The following PSD3 variants were observed in gnomAD, a reference collection of about 807,000 sequenced individuals.
PSD3 encodes PH and SEC7 domain-containing protein 3.
In PSD3, 49 loss-of-function variants were observed where a neutral mutation model predicts 105.5. The observed-to-expected ratio is 0.46, with a 90% CI of 0.37 to 0.59. The LOEUF (loss-of-function observed/expected upper bound fraction) is 0.59. PSD3 is among the 20% of genes least tolerant of loss of function. PSD3 has a pLI of 0.00. For missense variants in PSD3, 1,561 were observed against 1,263.8 expected (o/e 1.24, Z -3.57); for synonymous variants, 557 against 457.8 (o/e 1.22, Z -2.77).
intron 14 of PSD3, among the ~76,000 whole-genome samples, chr8:18,558,097 T>C (rs1008840702): frequency 6.6e-6 from 1 of 152,224 alleles, no homozygotes; most frequent in Non-Finnish European, 1.5e-5. Context: ...TGCTGGCACC[T>C]TGATCTTGGA....
intron 1 of PSD3, among the ~76,000 whole-genome samples, chr8:18,954,287 G>A (rs550620744): frequency 6.6e-6 from 1 of 151,976 alleles, no homozygotes; most frequent in Non-Finnish European, 1.5e-5. Flanking sequence ...TTTGGGGAGG[G>A]GTTCAATGCT....
intron 9 of PSD3, among the ~76,000 whole-genome samples, chr8:18,679,142 T>C (rs1800239074): frequency 6.6e-6 from 1 of 152,226 alleles, no homozygotes; most frequent in African/African-American, 2.4e-5. Context: ...AGCCTTAGTC[T>C]AAAGAGCAAA....
intron 12 of PSD3, among the ~76,000 whole-genome samples, chr8:18,582,587 G>A (rs1802887879): frequency 1.3e-5 from 2 of 151,998 alleles, no homozygotes; most frequent in Non-Finnish European, 2.9e-5. Context: ...GTTCAGATCT[G>A]CATTTCTGGC....
chr8:18,936,964 G>T (rs1456486171), intron 1 of PSD3, among the ~76,000 whole-genome samples: 1 of 152,098 alleles, frequency 6.6e-6, no homozygotes, highest in African/African-American at 2.4e-5. Context: ...GAACAGAACT[G>T]CCAGGCATCC....
chr8:18,890,882 G>C (rs1446610869), intron 2 of PSD3, among the ~76,000 whole-genome samples: 2 of 152,162 alleles, frequency 1.3e-5, no homozygotes, highest in Admixed American at 6.5e-5. Flanking sequence ...AACATTTTGA[G>C]ATTCCTGTCT....
chr8:18,712,026 C>G (rs563501992), intron 9 of PSD3, among the ~76,000 whole-genome samples: 24 of 152,178 alleles, frequency 1.6e-4, no homozygotes, highest in Admixed American at 4.6e-4. Context: ...CTGAATGACT[C>G]CTGAGTAAAT....
chr8:18,673,293 C>T (rs1250425539), intron 9 of PSD3, among the ~76,000 whole-genome samples: 4 of 152,086 alleles, frequency 2.6e-5, no homozygotes, highest in Non-Finnish European at 5.9e-5. Flanking sequence ...TTTGCAGTTT[C>T]ATGAATTTTC....
intron 1 of PSD3, among the ~76,000 whole-genome samples, chr8:18,976,871 C>A (rs1299481466): frequency 6.6e-6 from 1 of 152,082 alleles, no homozygotes; most frequent in Non-Finnish European, 1.5e-5. Context: ...GTTAAGGGGA[C>A]AGTTAAACCA....
Position 19,029,296 on chromosome 8 carries a change from T to C in PSD3, c.324+54910A>G, listed in dbSNP as rs190810017. ...TGTCTTCTAAAACATGAACACTCTA[T>C]ATCCATTTATTTATATTTCCTTTGA... is the stretch of plus-strand genomic sequence containing the variant. On this transcript the variant is annotated intron_variant, in intron 1 of 1. Transcript: ENST00000521475. Among the ~76,000 whole-genome samples the C allele has an allele frequency of 1.1e-4, 17 of 152,320 alleles. No individual in the cohort carries two copies. In the East Asian group the frequency reaches 2.9e-3, roughly 26 times the overall value.
chr8:18,579,989 G>C (rs2130397221), intron 12 of PSD3, among the ~76,000 whole-genome samples: 1 of 152,282 alleles, frequency 6.6e-6, no homozygotes, highest in Non-Finnish European at 1.5e-5. Flanking sequence ...AAAAATGTTA[G>C]TAATTAAAGC....
intron 2 of PSD3, among the ~76,000 whole-genome samples, chr8:18,911,158 G>T (rs143810916): frequency 3.7e-4 from 57 of 152,270 alleles, no homozygotes; most frequent in Middle Eastern, 6.8e-3. Flanking sequence ...TTTCGGTAGA[G>T]TGGGGGTGGG....
intron 1 of PSD3, among the ~76,000 whole-genome samples, chr8:19,077,143 C>G (rs185513985): frequency 7.0e-4 from 107 of 152,150 alleles, no homozygotes; most frequent in African/African-American, 2.4e-3. Flanking sequence ...TATCTCTGAC[C>G]TGAGATAAAT....
chr8:18,640,846 C>T (rs928169313), intron 10 of PSD3, among the ~76,000 whole-genome samples: 1 of 152,150 alleles, frequency 6.6e-6, no homozygotes, highest in Non-Finnish European at 1.5e-5. Context: ...GACACTTGCC[C>T]CCACTACTTC....
At chr8:19,071,663 T>C (rs1029722294) in intron 1 of PSD3, among the ~76,000 whole-genome samples, 2 of 152,172 alleles carry the variant, frequency 1.3e-5, no homozygotes, top group East Asian at 1.9e-4. Context: ...GAGATGACTT[T>C]TATAGAGTTA....
At chr8:18,824,941 T>A (rs1454029741) in intron 4 of PSD3, among the ~76,000 whole-genome samples, 2 of 152,102 alleles carry the variant, frequency 1.3e-5, no homozygotes, top group Admixed American at 6.5e-5. Context: ...AAAACAGTAT[T>A]CTATAAAACC....
intron 1 of PSD3, among the ~76,000 whole-genome samples, chr8:19,024,135 A>T (rs1489700876): frequency 6.6e-6 from 1 of 152,254 alleles, no homozygotes; most frequent in African/African-American, 2.4e-5. Flanking sequence ...CACTTTTTCC[A>T]AATTATTCCA....
At chr8:18,582,139 AAT>A (rs1314414450) in intron 12 of PSD3, among the ~76,000 whole-genome samples, 1 of 152,104 alleles carries the variant, frequency 6.6e-6, no homozygotes, top group Admixed American at 6.6e-5. Flanking sequence ...CAGGAAGGGG[AAT>A]ATGAGAAAAA....
intron 9 of PSD3, among the ~76,000 whole-genome samples, chr8:18,662,066 T>C (rs541948988): frequency 1.2e-4 from 19 of 152,176 alleles, no homozygotes; most frequent in Admixed American, 1.0e-3. Context: ...GAAATCTGTA[T>C]CTCGGGCAAT....
At position 18,607,689 on chromosome 8, in the gene PSD3, AAAAAAACAAAAC is replaced by A. The variant is rs1461542471; in HGVS notation, c.2411-7267_2411-7256del. On this transcript the variant is annotated intron_variant, in intron 11 of 15. Coordinates refer to ENST00000327040, the MANE Select transcript of PSD3 (RefSeq NM_015310.4). ...TAACAAGACTCCACTGCTACAAAAA[AAAAAAACAAAAC>A]AAAAAAAAAAAGGAAGTCAGGTGTA... 2.6e-3 allele frequency among the ~76,000 whole-genome samples: 330 copies of A among 128,970 alleles called. 19 individuals carry two copies. Among genetic ancestry groups the A allele is most frequent in the African/African-American group, 7.0e-3 (228 of 32,612 alleles). 84.6% of individuals were successfully genotyped at this position (128,970 alleles called of 152,430 possible).
Sources: gnomAD v4.1 joint callset for allele counts (sites outside exome capture counted in the v4.1 genomes callset) on GRCh38, gnomAD v4.1.1 for gene constraint, MANE v1.5 for transcripts, NCBI Gene and HGNC (gene_info 2026-07-23, HGNC 2026-07-21) for gene names.